NOSTRIN: variants seen among roughly 807,000 people sequenced by gnomAD.
NOSTRIN encodes the protein nitric oxide synthase trafficking.
Under a neutral mutation model 59.0 loss-of-function variants are expected in NOSTRIN, and 63 were observed. That is an observed-to-expected ratio of 1.07 (90% CI 0.87 to 1.32). The LOEUF (loss-of-function observed/expected upper bound fraction) is 1.32, where lower values mean the gene tolerates loss of function less well. Among genes scored for constraint, NOSTRIN ranks in the 40% most tolerant of loss-of-function variants. The probability of loss-of-function intolerance (pLI) is 0.00; values close to 1 mark genes in which losing one functional copy is unlikely to be tolerated. For missense variants in NOSTRIN, 512 were observed against 473.1 expected (o/e 1.08, Z -0.76); for synonymous variants, 200 against 165.4 (o/e 1.21, Z -1.61).
At chr2:168,840,338 G>A (rs1316925991) in intron 7 of NOSTRIN, among the ~76,000 whole-genome samples, 1 of 151,948 alleles carries the variant, frequency 6.6e-6, no homozygotes, top group Non-Finnish European at 1.5e-5. Flanking sequence ...AGACCATCCG[G>A]GCTAACATGG....
intron 8 of NOSTRIN, among the ~76,000 whole-genome samples, chr2:168,847,755 G>C (rs1688516899): frequency 6.6e-6 from 1 of 152,114 alleles, no homozygotes; most frequent in African/African-American, 2.4e-5. Flanking sequence ...AGAGTATCTT[G>C]CTTCTCTACC....
chr2:168,850,208 C>T lies in NOSTRIN; in HGVS notation c.631-876C>T, dbSNP rs180856889. 3.2e-4 allele frequency among the ~76,000 whole-genome samples: 48 copies of T among 152,224 alleles called. 1 individual carries two copies. The highest frequency in any genetic ancestry group is 1.1e-3 in the African/African-American group (44 of 41,542). ...GATTATAGGCATGAGCCACTGTGCCCGGCCTCTAAAATGTTAATAGCTAAC... is the reference window on the plus strand; with the variant it reads ...GATTATAGGCATGAGCCACTGTGCCTGGCCTCTAAAATGTTAATAGCTAAC... On this transcript the variant is annotated intron_variant, in intron 8 of 15. Transcript: ENST00000317647.
intron 7 of NOSTRIN, among the ~76,000 whole-genome samples, chr2:168,839,800 C>G (rs1214686579): frequency 6.7e-6 from 1 of 148,352 alleles, no homozygotes; most frequent in Non-Finnish European, 1.5e-5. Context: ...GCAGGCGAAT[C>G]GCTTGAACCT....
intron 7 of NOSTRIN, among the ~76,000 whole-genome samples, 182 bp downstream of exon 7, chr2:168,834,507 GCA>G (rs1553527194): frequency 0.27 from 33,987 of 125,338 alleles, 5,335 homozygotes; most frequent in South Asian, 0.43. Flanking sequence ...GCGCGCGCGC[GCA>G]CACACACACA....
At chr2:168,834,509 A>ACACACACACGCG (rs1553527219) in intron 7 of NOSTRIN, among the ~76,000 whole-genome samples, 184 bp downstream of exon 7, 1 of 41,630 alleles carries the variant, frequency 2.4e-5, no homozygotes, top group Non-Finnish European at 9.2e-5. Context: ...GCGCGCGCGC[A>ACACACACACGCG]CACACACACA....
chr2:168,856,639 G>T (rs756422134), intron 11 of NOSTRIN, 51 bp from the exon 12 acceptor site: 3 of 1,510,330 alleles, frequency 2.0e-6, no homozygotes, highest in African/African-American at 2.7e-5. Context: ...TCCTGGCTGT[G>T]TCCCACTGAG....
chr2:168,853,726 G>A (rs1574330784), intron 10 of NOSTRIN, among the ~76,000 whole-genome samples: 4 of 152,322 alleles, frequency 2.6e-5, no homozygotes, highest in South Asian at 2.1e-4. Context: ...GTCAGCTTGC[G>A]CCTCAGCTGT....
intron 2 of NOSTRIN, among the ~76,000 whole-genome samples, chr2:168,791,626 T>A (rs1250876567): frequency 1.2e-4 from 18 of 152,194 alleles, no homozygotes; most frequent in Non-Finnish European, 2.5e-4. Context: ...AAAGTGTTCC[T>A]ATTTCTCCAC....
At chr2:168,851,492 C>A in intron 10 of NOSTRIN, 88 bp downstream of exon 10, 1 of 1,498,198 alleles carries the variant, frequency 6.7e-7, no homozygotes, top group Non-Finnish European at 8.9e-7. Context: ...AAGCAAATAT[C>A]ATGTTTTATC....
At chr2:168,817,260 C>T (rs974490310) in intron 2 of NOSTRIN, among the ~76,000 whole-genome samples, 1 of 152,198 alleles carries the variant, frequency 6.6e-6, no homozygotes, top group Non-Finnish European at 1.5e-5. Flanking sequence ...ACCCAACATG[C>T]TCAGGGAGTC....
At chr2:168,859,421 T>C in intron 12 of NOSTRIN, 91 bp from the exon 13 acceptor site, 1 of 1,552,804 alleles carries the variant, frequency 6.4e-7, no homozygotes, top group Non-Finnish European at 8.7e-7. Context: ...TTTTCTAACC[T>C]TTGTTATTTT....
At chr2:168,823,346 A>G (rs1686866609) in intron 2 of NOSTRIN, among the ~76,000 whole-genome samples, 2 of 152,180 alleles carry the variant, frequency 1.3e-5, no homozygotes, top group South Asian at 4.1e-4. Context: ...CTGTCATAAC[A>G]AAGTACCACA....
intron 12 of NOSTRIN, 51 bp from the exon 13 acceptor site, chr2:168,859,461 G>C: frequency 6.2e-7 from 1 of 1,602,984 alleles, no homozygotes; most frequent in Non-Finnish European, 8.5e-7. Context: ...CTATCCAGTT[G>C]TGCCTCATTT....
At chr2:168,797,072 CTTTTTTCTTTTTTTTTT>C (rs1489230376), upstream of NOSTRIN, among the ~76,000 whole-genome samples, 4 of 85,352 alleles carry the variant, frequency 4.7e-5, no homozygotes, top group Non-Finnish European at 7.1e-5. Flanking sequence ...CTTTCTTTTT[CTTTTTTCTTTTTTTTTT>C]TTTTTTTTTT....
At chr2:168,861,729 TTATAATA>T (rs145171469) in intron 14 of NOSTRIN, among the ~76,000 whole-genome samples, 1 of 152,242 alleles carries the variant, frequency 6.6e-6, no homozygotes, top group African/African-American at 2.4e-5. Flanking sequence ...ATTTCATGTA[TTATAATA>T]TAGTTTTTGG....
chr2:168,837,763 C>G (rs867990845), intron 7 of NOSTRIN, among the ~76,000 whole-genome samples: 2 of 152,188 alleles, frequency 1.3e-5, no homozygotes, highest in Admixed American at 6.5e-5. Flanking sequence ...CTAAAGCTAA[C>G]AGGTACTTTC....
upstream of NOSTRIN, among the ~76,000 whole-genome samples, chr2:168,799,360 T>G (rs1685559870): frequency 6.6e-6 from 1 of 152,234 alleles, no homozygotes; most frequent in Admixed American, 6.5e-5. Flanking sequence ...CAAGATTCTT[T>G]GCTCCTCTTA....
intron 2 of NOSTRIN, among the ~76,000 whole-genome samples, chr2:168,791,725 C>T (rs1426517215): frequency 7.0e-6 from 1 of 142,300 alleles, no homozygotes; most frequent in East Asian, 2.2e-4. Flanking sequence ...TTTTGATTTG[C>T]ATTTCTCTGA....
intron 2 of NOSTRIN, among the ~76,000 whole-genome samples, chr2:168,820,841 C>T (rs1291326298): frequency 6.6e-6 from 1 of 152,076 alleles, no homozygotes; most frequent in East Asian, 1.9e-4. Context: ...AGCAGCACTT[C>T]TTTTTGGTGT....
Sources: allele counts gnomAD v4.1 joint callset (sites outside exome capture counted in the v4.1 genomes callset), GRCh38; gene constraint gnomAD v4.1.1; transcripts MANE v1.5; gene names NCBI Gene and HGNC (gene_info 2026-07-23, HGNC 2026-07-21).